The following SLC22A25 variants were observed in gnomAD, a reference collection of about 807,000 sequenced individuals.
SLC22A25 encodes the protein MGI:2442751, MGI:2385316, MGI:3042283, MGI:3645714, MGI:3605624, MGI:2442750.
SLC22A25 carries 44 observed loss-of-function variants against 45.9 expected under a neutral mutation model. That is an observed-to-expected ratio of 0.96 (90% CI 0.75 to 1.23). The LOEUF (loss-of-function observed/expected upper bound fraction) is 1.23. Among genes scored for constraint, SLC22A25 ranks in the 50% most tolerant of loss-of-function variants. The pLI, the probability that SLC22A25 is intolerant of heterozygous loss-of-function variation, is 0.00. For missense variants in SLC22A25, 800 were observed against 666.4 expected, an observed-to-expected ratio of 1.20 and a Z score of -2.21; for synonymous variants, 283 against 238.6, an observed-to-expected ratio of 1.19 and a Z score of -1.72.
chr11:63,183,664 C>T (rs1325648830), intron 8 of SLC22A25, 30 bp downstream of exon 8: 1 of 1,611,658 alleles, frequency 6.2e-7, no homozygotes, highest in Non-Finnish European at 8.5e-7. Context: ...GTCTTCCCAG[C>T]ATCCCATATC....
Position 63,166,222 on chromosome 11 carries a change from C to A in SLC22A25, c.1107G>T (p.Leu369Phe). 6.2e-7 allele frequency: 1 copy of A among 1,613,862 alleles called. No homozygotes were observed. Among genetic ancestry groups the A allele is most frequent in the Non-Finnish European group, 8.5e-7 (1 of 1,179,908 alleles). ...ASTIPFWGLT[L>F]HLQHLGNNVF... Reference sequence around the variant, plus strand: ...CATTGTTTCCCAGATGCTGGAGGTGCAAAGTAAGGCCCCAAAAAGGGATGG... The same window carrying A: ...CATTGTTTCCCAGATGCTGGAGGTGAAAAGTAAGGCCCCAAAAAGGGATGG... Residue 369 changes from leucine to phenylalanine, a missense_variant, in exon 10 of 12, where the codon TTG becomes TTT. By Grantham distance (22) the Leu-to-Phe change is conservative. Transcript: ENST00000306494.
At chr11:63,195,375 G>A (rs2088983197) in intron 7 of SLC22A25, among the ~76,000 whole-genome samples, 1 of 152,030 alleles carries the variant, frequency 6.6e-6, no homozygotes, top group Non-Finnish European at 1.5e-5. Flanking sequence ...CTCAGCAAAT[G>A]TAAAAGAACA....
chr11:63,165,940 C>G, intron 10 of SLC22A25, 104 bp downstream of exon 10: 2 of 1,378,292 alleles, frequency 1.5e-6, no homozygotes, highest in South Asian at 2.9e-5. Context: ...ATCCTGAGAA[C>G]TCAATTCTCC....
At chr11:63,170,070 G>A (rs2087825463) in intron 9 of SLC22A25, among the ~76,000 whole-genome samples, 1 of 152,070 alleles carries the variant, frequency 6.6e-6, no homozygotes, top group Non-Finnish European at 1.5e-5. Flanking sequence ...TGACTACTGG[G>A]TAAATAATGA....
intron 5 of SLC22A25, among the ~76,000 whole-genome samples, chr11:63,227,186 C>T (rs1376693292): frequency 2.0e-5 from 3 of 151,964 alleles, no homozygotes. Flanking sequence ...CTTTATTCTT[C>T]CCTCTCCTTT....
intron 5 of SLC22A25, chr11:63,219,872 C>T (rs1389430549): frequency 4.2e-5 from 53 of 1,252,074 alleles, no homozygotes; most frequent in Non-Finnish European, 5.3e-5. Flanking sequence ...AACCCTCTGA[C>T]TCTCAACTCT....
chr11:63,229,464 G>T lies in SLC22A25; in HGVS notation c.189C>A (p.Asp63Glu), dbSNP rs773025795. 1.1e-5 allele frequency: 18 copies of T among 1,613,994 alleles called. No homozygotes were observed. The Admixed American group carries it at 2.5e-4, about 22-fold the overall frequency. The change falls in exon 4 of 12, where the codon GAC (aspartate) becomes GAA (glutamate). Residue 63 changes from aspartate (D) to glutamate (E), a missense_variant. By Grantham distance (45) the Asp-to-Glu change is conservative. Transcript: ENST00000306494. ...ILDNDTIPDN[D>E]PGTLSQDALL... ...GGGCATCCTGGCTGAGGGTCCCAGG[G>T]TCATTGTCAGGGATAGTGTCATTGT...
chr11:63,169,998 A>G (rs1258648868), intron 9 of SLC22A25, among the ~76,000 whole-genome samples: 2 of 152,360 alleles, frequency 1.3e-5, no homozygotes, highest in Admixed American at 1.3e-4. Context: ...ATTAGAACTC[A>G]GGATTAAGAA....
intron 9 of SLC22A25, among the ~76,000 whole-genome samples, chr11:63,169,080 G>A (rs900490335): frequency 2.6e-5 from 4 of 152,138 alleles, no homozygotes; most frequent in African/African-American, 9.7e-5. Context: ...AGCTTCATAA[G>A]CAAAGGAGAA....
intron 5 of SLC22A25, chr11:63,219,998 T>C (rs1384068817): frequency 7.8e-7 from 1 of 1,289,192 alleles, no homozygotes; most frequent in East Asian, 5.6e-5. Context: ...AGTGGAGACA[T>C]GGTTGGGCGA....
intron 7 of SLC22A25, among the ~76,000 whole-genome samples, chr11:63,188,073 G>A (rs2088634818): frequency 6.6e-6 from 1 of 152,208 alleles, no homozygotes; most frequent in Non-Finnish European, 1.5e-5. Context: ...AGGAGTTAGG[G>A]AGGATTCCCT....
At chr11:63,184,626 T>C (rs1376309371) in intron 7 of SLC22A25, among the ~76,000 whole-genome samples, 1 of 152,172 alleles carries the variant, frequency 6.6e-6, no homozygotes, top group Non-Finnish European at 1.5e-5. Flanking sequence ...TAGAAATGTA[T>C]ACAGGTAAAT....
At chr11:63,189,291 A>G (rs2088697590) in intron 7 of SLC22A25, among the ~76,000 whole-genome samples, 1 of 152,118 alleles carries the variant, frequency 6.6e-6, no homozygotes, top group South Asian at 2.1e-4. Flanking sequence ...CCCCTTTACC[A>G]TTATGTAATG....
intron 7 of SLC22A25, among the ~76,000 whole-genome samples, chr11:63,205,289 G>T (rs188311507): frequency 6.6e-6 from 1 of 152,134 alleles, no homozygotes; most frequent in Non-Finnish European, 1.5e-5. Context: ...AAAGCTAGCA[G>T]AAGACAAGAA....
intron 7 of SLC22A25, among the ~76,000 whole-genome samples, chr11:63,198,584 G>C (rs1319470686): frequency 1.3e-5 from 2 of 152,134 alleles, no homozygotes; most frequent in African/African-American, 4.8e-5. Flanking sequence ...TGGGGGATGG[G>C]GGAGGGATAG....
chr11:63,238,188 A>G (rs539573714), intron 2 of SLC22A25, among the ~76,000 whole-genome samples, 176 bp from the exon 3 acceptor site: 1 of 152,206 alleles, frequency 6.6e-6, no homozygotes, highest in East Asian at 1.9e-4. Context: ...TCTCAGCTTC[A>G]ACAACTTTCT....
rs1484591328 is a variant in SLC22A25, at chr11:63,160,638, G to A, written c.*3186C>T. 2.0e-5 allele frequency among the ~76,000 whole-genome samples: 3 copies of A among 152,038 alleles called. No individual in the cohort carries two copies. Among genetic ancestry groups the A allele is most frequent in the Non-Finnish European group, 2.9e-5 (2 of 68,008 alleles). Reference sequence around the variant, plus strand: ...GTGGAGCTGTGAGAAGAGGGTCTTCGACCTCCAGACCCCAGAATTGTAAAG... The same window carrying A: ...GTGGAGCTGTGAGAAGAGGGTCTTCAACCTCCAGACCCCAGAATTGTAAAG... On this transcript the variant is annotated 3_prime_UTR_variant, in exon 12 of 12. Transcript: ENST00000306494.
chr11:63,193,459 C>T (rs990718490), intron 7 of SLC22A25, among the ~76,000 whole-genome samples: 1 of 152,236 alleles, frequency 6.6e-6, no homozygotes, highest in Non-Finnish European at 1.5e-5. Flanking sequence ...CAGGAAGCAA[C>T]ATTTGCTGTT....
chr11:63,217,827 G>A, intron 5 of SLC22A25, 92 bp from the exon 6 acceptor site: 5 of 1,423,548 alleles, frequency 3.5e-6, no homozygotes, highest in Admixed American at 2.4e-5. Context: ...CTTAAAGGAT[G>A]TTTAACAAGT....
Sources: allele counts gnomAD v4.1 joint callset (sites outside exome capture counted in the v4.1 genomes callset), GRCh38; gene constraint gnomAD v4.1.1; transcripts MANE v1.5; gene names NCBI Gene and HGNC (gene_info 2026-07-23, HGNC 2026-07-21).